SMAD6: variants seen among roughly 807,000 people sequenced by gnomAD.
SMAD6 encodes the protein SMAD family member 6.
SMAD6 carries 103 observed loss-of-function variants against 39.4 expected under a neutral mutation model. The observed-to-expected ratio is 2.62, with a 90% CI of 2.23 to 3.08. The LOEUF (loss-of-function observed/expected upper bound fraction) is 3.08. Ranked by LOEUF, SMAD6 falls within the 30% of genes most tolerant of loss-of-function variation. SMAD6 has a pLI of 0.00. For missense variants in SMAD6, 1,104 were observed against 742.9 expected (o/e 1.49, Z -5.65); for synonymous variants, 445 against 353.3 (o/e 1.26, Z -2.91).
rs1256904349 is a variant in SMAD6 at position 66,745,659 on chromosome 15, G to C, written c.952+29161G>C. On this transcript the variant is annotated intron_variant, in intron 3 of 3. Coordinates refer to ENST00000288840, the MANE Select transcript of SMAD6 (RefSeq NM_005585.5). ...TTAGAAAAGTGATGCTGCTTGTGCAGGGTACGTGGCACAGCAGTGGCCTGG... is the reference window on the plus strand; with the variant it reads ...TTAGAAAAGTGATGCTGCTTGTGCACGGTACGTGGCACAGCAGTGGCCTGG... Among the ~76,000 whole-genome samples the C allele has an allele frequency of 3.3e-5, 5 of 152,316 alleles. No homozygotes were observed. In the South Asian group the frequency reaches 6.2e-4, roughly 19 times the overall value.
chr15:66,707,091 C>A (rs2140588164), intron 1 of SMAD6: 1 of 152,320 alleles, frequency 6.6e-6, no homozygotes, highest in Non-Finnish European at 1.5e-5. Flanking sequence ...TCAGGCCCAA[C>A]TCTGCCTCCC....
rs550613682 is a variant in SMAD6, at chr15:66,722,396, A to G, written c.952+5898A>G. On this transcript the variant is annotated intron_variant, in intron 3 of 3. Coordinates refer to ENST00000288840, the MANE Select transcript of SMAD6 (RefSeq NM_005585.5). Reference sequence around the variant, plus strand: ...GCAGGAAGGGCATTTCATCTGGGTGAATGGTGCTCTGAAACAATCAGACTT... The same window carrying G: ...GCAGGAAGGGCATTTCATCTGGGTGGATGGTGCTCTGAAACAATCAGACTT... Among the ~76,000 whole-genome samples, 523 of 152,340 alleles carry G rather than the reference A, an allele frequency of 3.4e-3. 3 individuals are homozygous for G. The highest frequency in any genetic ancestry group is 0.012 in the African/African-American group (506 of 41,576).
chr15:66,738,962 C>T (rs887244636), intron 3 of SMAD6, among the ~76,000 whole-genome samples: 3 of 152,108 alleles, frequency 2.0e-5, no homozygotes, highest in South Asian at 2.1e-4. Context: ...AAATGGGACC[C>T]GGGTGTGGAT....
At chr15:66,724,659 C>T (rs897708885) in intron 3 of SMAD6, among the ~76,000 whole-genome samples, 3 of 152,326 alleles carry the variant, frequency 2.0e-5, no homozygotes, top group African/African-American at 7.2e-5. Flanking sequence ...ATTCAGGACA[C>T]AAACATGATT....
At chr15:66,707,789 C>T (rs1365458204) in intron 1 of SMAD6, 1 of 152,400 alleles carries the variant, frequency 6.6e-6, no homozygotes, top group East Asian at 1.9e-4. Context: ...CCCTCCCCAT[C>T]CACAGCCCCT....
chr15:66,782,329 T>A lies in SMAD6; in HGVS notation c.*794T>A, dbSNP rs916474854. The A allele has an allele frequency of 6.1e-6, 1 of 164,612 alleles. No homozygotes were observed. The highest frequency in any genetic ancestry group is 2.4e-5 in the African/African-American group (1 of 42,012). The allele number at this position is 164,612 out of a possible 1,614,324, so 10.2% of individuals were successfully genotyped here. On this transcript the variant is annotated 3_prime_UTR_variant, in exon 4 of 4. Transcript: ENST00000288840. The stretch of plus-strand genomic sequence containing the variant: ...AGGCCCAGGTCCATGCCCCCCATCT[T>A]TGAGTTATGAGCAAGCTAAAAGAAG...
intron 3 of SMAD6, among the ~76,000 whole-genome samples, chr15:66,766,811 CA>C (rs1894296451): frequency 6.6e-6 from 1 of 152,176 alleles, no homozygotes; most frequent in Non-Finnish European, 1.5e-5. Context: ...GAGTTCAGCC[CA>C]GATGTCTCCC....
intron 3 of SMAD6, among the ~76,000 whole-genome samples, chr15:66,743,576 C>CT (rs5813402): frequency 0.23 from 33,751 of 149,588 alleles, 3,964 homozygotes; most frequent in Admixed American, 0.38. Flanking sequence ...TTCCTCTTTC[C>CT]TTTTTTTTTT....
At chr15:66,717,137 A>C (rs1893345231) in intron 3 of SMAD6, 1 of 1,288,048 alleles carries the variant, frequency 7.8e-7, no homozygotes, top group African/African-American at 1.5e-5. Flanking sequence ...TTGAGAAATG[A>C]GAGGTTGGTG....
At chr15:66,715,858 G>A (rs1310802961) in intron 2 of SMAD6, among the ~76,000 whole-genome samples, 6 of 151,962 alleles carry the variant, frequency 3.9e-5, no homozygotes, top group Admixed American at 1.3e-4. Context: ...GAGTGGGGGA[G>A]GGGAGAGAAA....
intron 3 of SMAD6, among the ~76,000 whole-genome samples, chr15:66,763,712 C>T (rs1369959076): frequency 6.6e-6 from 1 of 152,214 alleles, no homozygotes; most frequent in Non-Finnish European, 1.5e-5. Flanking sequence ...GCCCAGCTAA[C>T]ATGTAAATCA....
At chr15:66,753,643 A>G (rs573255908) in intron 3 of SMAD6, among the ~76,000 whole-genome samples, 1 of 152,314 alleles carries the variant, frequency 6.6e-6, no homozygotes, top group East Asian at 1.9e-4. Flanking sequence ...CTGCCATGGT[A>G]GGAGGGCCAA....
chr15:66,743,247 C>T (rs1175156097), intron 3 of SMAD6, among the ~76,000 whole-genome samples: 1 of 152,136 alleles, frequency 6.6e-6, no homozygotes, highest in East Asian at 1.9e-4. Flanking sequence ...AGAAGGGTGG[C>T]TCTGGGCTGG....
At position 66,716,482 on chromosome 15, in the gene SMAD6, T is replaced by C. The variant is rs781456203; in HGVS notation, c.936T>C (p.Ala312=). The part of the protein sequence containing the change: ...ETEATNSLIT[A]PGEFSDASMS... ...AGGCTACCAACTCCCTCATCACTGC[T>C]CCGGGTGAATTCTCAGGTCAGCATT... The change falls in exon 3 of 4, where the codon GCT becomes GCC. Residue 312 remains alanine (A), a synonymous_variant. Coordinates refer to ENST00000288840, the MANE Select transcript of SMAD6 (RefSeq NM_005585.5). The C allele has an allele frequency of 1.2e-6, 2 of 1,612,802 alleles. No individual in the cohort carries two copies. The highest frequency in any genetic ancestry group is 8.5e-7 in the Non-Finnish European group (1 of 1,178,716).
chr15:66,719,834 C>T (rs897273911), intron 3 of SMAD6, among the ~76,000 whole-genome samples: 1 of 152,176 alleles, frequency 6.6e-6, no homozygotes, highest in African/African-American at 2.4e-5. Flanking sequence ...TTGATCTCTA[C>T]ATCAGCTCCC....
chr15:66,736,477 C>G (rs919226673), intron 3 of SMAD6, among the ~76,000 whole-genome samples: 1 of 152,144 alleles, frequency 6.6e-6, no homozygotes, highest in Non-Finnish European at 1.5e-5. Flanking sequence ...GTTTTTCACC[C>G]CTGATGGGTA....
At chr15:66,759,770 C>G (rs184764285) in intron 3 of SMAD6, among the ~76,000 whole-genome samples, 68 of 152,354 alleles carry the variant, frequency 4.5e-4, no homozygotes, top group African/African-American at 1.6e-3. Context: ...CACTTGTCTT[C>G]TAGTATTATT....
At position 66,781,171 on chromosome 15, in the gene SMAD6, G is replaced by T. The variant is rs147820064; in HGVS notation, c.1127G>T (p.Arg376Leu). The change falls in exon 4 of 4, where the codon CGC becomes CTC. Residue 376 changes from arginine to leucine, a missense_variant. Arg to Leu is a moderately radical substitution (Grantham distance 102, BLOSUM62 -2). Coordinates refer to ENST00000288840, the MANE Select transcript of SMAD6 (RefSeq NM_005585.5). ...FCLGQLNLEQ[R>L]SESVRRTRSK... ...CTGGGCCAGCTCAACCTGGAGCAGC[G>T]CAGCGAGTCGGTGCGGCGAACGCGC... 2 of 1,607,734 alleles carry T rather than the reference G, an allele frequency of 1.2e-6. No homozygotes were observed. The highest frequency in any genetic ancestry group is 1.7e-5 in the Admixed American group (1 of 59,972).
At chr15:66,744,092 G>C (rs1893864551) in intron 3 of SMAD6, among the ~76,000 whole-genome samples, 3 of 152,184 alleles carry the variant, frequency 2.0e-5, no homozygotes, top group Non-Finnish European at 4.4e-5. Flanking sequence ...TTTAAGGTCA[G>C]AGTGCCCTCC....
Sources: allele counts gnomAD v4.1 joint callset (sites outside exome capture counted in the v4.1 genomes callset), GRCh38; gene constraint gnomAD v4.1.1; transcripts MANE v1.5; gene names NCBI Gene and HGNC (gene_info 2026-07-23, HGNC 2026-07-21).